The following PLA2R1 variants were observed in gnomAD, a reference collection of about 807,000 sequenced individuals.
PLA2R1 encodes secretory phospholipase A2 receptor.
PLA2R1 carries 158 observed loss-of-function variants against 195.9 expected under a neutral mutation model. That is an observed-to-expected ratio of 0.81 (90% CI 0.71 to 0.92). The LOEUF (loss-of-function observed/expected upper bound fraction) is 0.92, where lower values mean the gene tolerates loss of function less well. Among genes scored for constraint, PLA2R1 ranks in the 40% least tolerant of loss-of-function variants. The pLI, the probability that PLA2R1 is intolerant of heterozygous loss-of-function variation, is 0.00. For missense variants in PLA2R1, 1,626 were observed against 1,764.6 expected (o/e 0.92, Z 1.41); for synonymous variants, 586 against 598.2 (o/e 0.98, Z 0.30).
chr2:159,990,843 G>A (rs1335234810), intron 11 of PLA2R1, among the ~76,000 whole-genome samples: 2 of 151,580 alleles, frequency 1.3e-5, no homozygotes, highest in Non-Finnish European at 2.9e-5. Context: ...TAGTGGGCTT[G>A]CTCCAGGATT....
At chr2:160,031,230 T>C (rs1010551218) in intron 4 of PLA2R1, among the ~76,000 whole-genome samples, 1 of 152,186 alleles carries the variant, frequency 6.6e-6, no homozygotes, top group African/African-American at 2.4e-5. Context: ...GAGAAATAAT[T>C]GGGGATGTAT....
chr2:159,951,447 G>A lies in PLA2R1; in HGVS notation c.3433C>T (p.His1145Tyr). The A allele has an allele frequency of 1.2e-6, 2 of 1,613,124 alleles. No homozygotes were observed. Among genetic ancestry groups the A allele is most frequent in the East Asian group, 2.2e-5 (1 of 44,878 alleles). ...GTGATGCTGACCAGTTGTGCTTTGT[G>A]CATCAGGCAGGTTTTTATTGCTGCA... Reference protein sequence around the residue: ...WYAAIKTCLMHKAQLVSITDQ... With the variant: ...WYAAIKTCLMYKAQLVSITDQ... Residue 1145 changes from histidine (H) to tyrosine (Y), a missense_variant, in exon 24 of 30, where the codon CAC becomes TAC. Transcript: ENST00000283243.
At position 159,943,843 on chromosome 2, in the gene PLA2R1, A is replaced by C. The variant is rs979582587; in HGVS notation, c.4144+1063T>G. On this transcript the variant is annotated intron_variant, in intron 28 of 29. Transcript: ENST00000283243. The stretch of plus-strand genomic sequence containing the variant: ...TCTCTCACACAGAGTTGAGACTCAC[A>C]CTGTGGGGGTTTCAAACATTGGTGC... Among the ~76,000 whole-genome samples the C allele has an allele frequency of 2.0e-5, 3 of 148,542 alleles. No homozygotes were observed. In the East Asian group the frequency reaches 5.9e-4, roughly 29 times the overall value.
chr2:159,984,557 C>G (rs2105309190), intron 12 of PLA2R1, among the ~76,000 whole-genome samples: 1 of 152,308 alleles, frequency 6.6e-6, no homozygotes, highest in South Asian at 2.1e-4. Context: ...GATCATTACT[C>G]TGGCTGACCC....
At chr2:159,925,264 G>A in the PLA2R1 span, among the ~76,000 whole-genome samples, 21 of 152,190 alleles carry the variant, frequency 1.4e-4, no homozygotes, top group Non-Finnish European at 2.5e-4. Context: ...GCATCTTACA[G>A]GCTGCACAGT....
At chr2:159,985,885 T>C (rs76386979) in intron 12 of PLA2R1, among the ~76,000 whole-genome samples, 2,760 of 152,114 alleles carry the variant, frequency 0.018, 37 homozygotes, top group Non-Finnish European at 0.026. Flanking sequence ...GTACCAAGAG[T>C]GCAACGTCCT....
At position 159,941,866 on chromosome 2, in the gene PLA2R1, C is replaced by T. The variant is rs182334014; in HGVS notation, c.4304G>A (p.Arg1435Gln). 37 of 1,612,982 alleles carry T rather than the reference C, an allele frequency of 2.3e-5. No homozygotes were observed. The East Asian group carries it at 3.8e-4, about 17-fold the overall frequency. The change falls in exon 30 of 30, where the codon CGG becomes CAG. Residue 1435 changes from arginine (R) to glutamine (Q), a missense_variant. By Grantham distance (43) the Arg-to-Gln change is conservative. Transcript: ENST00000283243. ...GTTGGTTGCAGGATAGTAAGGATTC[C>T]GAAACCCTGCAAGTCTCCTGAAGAA... is the stretch of plus-strand genomic sequence containing the variant. ...GGFFRRLAGFRNPYYPATNFS... is the reference protein window; with the variant it reads ...GGFFRRLAGFQNPYYPATNFS...
chr2:159,981,391 G>T (rs988387340), intron 13 of PLA2R1, among the ~76,000 whole-genome samples: 5 of 152,066 alleles, frequency 3.3e-5, no homozygotes, highest in African/African-American at 9.7e-5. Context: ...GGAATAAACT[G>T]AAACATACAC....
At chr2:159,996,323 T>C (rs969956386) in intron 11 of PLA2R1, among the ~76,000 whole-genome samples, 20 of 152,148 alleles carry the variant, frequency 1.3e-4, no homozygotes, top group African/African-American at 4.8e-4. Flanking sequence ...GAATCCTAGG[T>C]TGGAGGGCTT....
At position 160,021,591 on chromosome 2, in the gene PLA2R1, A is replaced by G. The variant is rs186207115; in HGVS notation, c.1294+1074T>C. ...AGCTAAACAATGGGGACACATGGAG[A>G]TACAGAGCAGGATAAAAAACACTGG... On this transcript the variant is annotated intron_variant, in intron 7 of 29. Coordinates refer to ENST00000283243, the MANE Select transcript of PLA2R1 (RefSeq NM_007366.5). 2.2e-4 allele frequency among the ~76,000 whole-genome samples: 34 copies of G among 152,268 alleles called. No homozygotes were observed. The East Asian group carries it at 5.4e-3, about 24-fold the overall frequency.
At position 160,042,204 on chromosome 2, in the gene PLA2R1, A is replaced by G. The variant is rs1694565659; in HGVS notation, c.494-6T>C. 1 of 1,610,538 alleles carries G rather than the reference A, an allele frequency of 6.2e-7. No homozygotes were observed. The highest frequency in any genetic ancestry group is 8.5e-7 in the Non-Finnish European group (1 of 1,177,202). ...CCCTTTGATTGTATGCAAATCTAGGAGAAAGAAATGTACAAAGTCAGATAA... is the reference window on the plus strand; with the variant it reads ...CCCTTTGATTGTATGCAAATCTAGGGGAAAGAAATGTACAAAGTCAGATAA... On this transcript the variant is annotated splice_region_variant and splice_polypyrimidine_tract_variant and intron_variant, in intron 2 of 29. Transcript: ENST00000283243.
At chr2:160,013,458 C>A in intron 9 of PLA2R1, 83 bp from the exon 10 acceptor site, 1 of 706,098 alleles carries the variant, frequency 1.4e-6, no homozygotes, top group South Asian at 2.0e-5. Context: ...TCTTTTACCA[C>A]CTACATAACT....
chr2:160,010,410 C>T (rs559189926), intron 10 of PLA2R1, among the ~76,000 whole-genome samples: 3 of 152,336 alleles, frequency 2.0e-5, no homozygotes, highest in Non-Finnish European at 4.4e-5. Flanking sequence ...TTTTCTTCCC[C>T]TCTCTATTCC....
chr2:160,058,174 C>T (rs184204425), intron 1 of PLA2R1, among the ~76,000 whole-genome samples: 2 of 152,224 alleles, frequency 1.3e-5, no homozygotes, highest in Admixed American at 6.5e-5. Context: ...TGGATGAACC[C>T]AACTAAAACA....
chr2:159,949,070 A>G (rs1007716524), intron 25 of PLA2R1, among the ~76,000 whole-genome samples: 25 of 152,210 alleles, frequency 1.6e-4, no homozygotes, highest in African/African-American at 5.1e-4. Context: ...CAATATCACC[A>G]CCATCATTAT....
intron 11 of PLA2R1, among the ~76,000 whole-genome samples, chr2:159,989,642 T>C (rs375006847): frequency 1.3e-3 from 195 of 152,322 alleles, no homozygotes; most frequent in African/African-American, 4.5e-3. Context: ...TTTCTTCTCA[T>C]GGGTTTTCAT....
intron 21 of PLA2R1, among the ~76,000 whole-genome samples, chr2:159,956,304 C>G (rs1483412283): frequency 6.6e-6 from 1 of 152,106 alleles, no homozygotes; most frequent in Non-Finnish European, 1.5e-5. Context: ...GCTCCAAAAC[C>G]CAGCAGTTTA....
intron 12 of PLA2R1, among the ~76,000 whole-genome samples, chr2:159,985,291 A>G (rs1690248770): frequency 6.6e-6 from 1 of 152,234 alleles, no homozygotes; most frequent in Non-Finnish European, 1.5e-5. Context: ...AATCGAGCAC[A>G]TTCACAGCTG....
At chr2:159,985,760 C>T (rs1169378361) in intron 12 of PLA2R1, among the ~76,000 whole-genome samples, 1 of 152,136 alleles carries the variant, frequency 6.6e-6, no homozygotes, top group East Asian at 1.9e-4. Flanking sequence ...CTACCTCCTT[C>T]ACTTAGTGTA....
Sources: allele counts gnomAD v4.1 joint callset (sites outside exome capture counted in the v4.1 genomes callset), GRCh38; gene constraint gnomAD v4.1.1; transcripts MANE v1.5; gene names NCBI Gene and HGNC (gene_info 2026-07-23, HGNC 2026-07-21).